Variants in PAPPA observed in about 807,000 individuals in gnomAD.
The protein encoded by PAPPA is pappalysin-1.
In PAPPA, 60 loss-of-function variants were observed where a neutral mutation model predicts 164.0. That is an observed-to-expected ratio of 0.37 (90% CI 0.30 to 0.45). The LOEUF is 0.45. Ranked by LOEUF, PAPPA falls within the 20% of genes least tolerant of loss-of-function variation. The probability of loss-of-function intolerance (pLI) is 1.00; values close to 1 mark genes in which losing one functional copy is unlikely to be tolerated. For synonymous variants in PAPPA, 875 were observed against 814.1 expected, an observed-to-expected ratio of 1.07 and a Z score of -1.27; for missense variants, 1,782 against 2,087.3, an observed-to-expected ratio of 0.85 and a Z score of 2.85.
intron 1 of PAPPA, among the ~76,000 whole-genome samples, chr9:116,175,569 A>G (rs1157729980): frequency 6.6e-6 from 1 of 152,222 alleles, no homozygotes; most frequent in Admixed American, 6.5e-5. Context: ...CTTGTTTGAA[A>G]CCAAAACTCC....
chr9:116,212,646 G>A (rs1270560683), intron 4 of PAPPA, among the ~76,000 whole-genome samples: 1 of 152,118 alleles, frequency 6.6e-6, no homozygotes, highest in Admixed American at 6.6e-5. Flanking sequence ...TCAAGCCAAA[G>A]ATTGCATCTA....
intron 10 of PAPPA, among the ~76,000 whole-genome samples, chr9:116,321,643 G>A (rs1280389431): frequency 1.3e-5 from 2 of 152,068 alleles, no homozygotes; most frequent in African/African-American, 4.8e-5. Context: ...TGCACTACAT[G>A]GTTATTATTA....
intron 9 of PAPPA, among the ~76,000 whole-genome samples, chr9:116,274,184 C>G (rs1421707221): frequency 6.6e-6 from 1 of 151,886 alleles, no homozygotes; most frequent in Non-Finnish European, 1.5e-5. Flanking sequence ...GAATGGAATA[C>G]AAAACCATCA....
At chr9:116,353,896 T>A (rs1846318022) in intron 17 of PAPPA, 103 bp downstream of exon 17, 3 of 780,108 alleles carry the variant, frequency 3.8e-6, no homozygotes. Flanking sequence ...TTTTGTAATC[T>A]CTGATCCTCA....
Position 116,154,832 on chromosome 9 carries a change from G to T in PAPPA, c.415+245G>T, listed in dbSNP as rs1237292149. Among the ~76,000 whole-genome samples, 1 of 152,218 alleles carries T rather than the reference G, an allele frequency of 6.6e-6. No homozygotes were observed. Among genetic ancestry groups the T allele is most frequent in the African/African-American group, 2.4e-5 (1 of 41,466 alleles). On this transcript the variant is annotated intron_variant, in intron 1 of 21. Transcript: ENST00000328252. The surrounding 1 kb of genome is among the most constrained non-coding windows in gnomAD (Gnocchi z 5.2). ...AGGAACCTGGGGAGCCCTCCTGGCG[G>T]CCCCGCGGACCCTCGGCCAGTGAGG...
rs1299424707 is a variant in PAPPA at position 116,323,044 on chromosome 9, G to A, written c.3148-8200G>A. ...ATCGAAATTCAATGGAAACCTCATG[G>A]CATGTCCCCTGTGTGGGAAAATACC... On this transcript the variant is annotated intron_variant, in intron 10 of 21. Coordinates refer to ENST00000328252, the MANE Select transcript of PAPPA (RefSeq NM_002581.5). Among the ~76,000 whole-genome samples, 3 of 152,158 alleles carry A rather than the reference G, an allele frequency of 2.0e-5. No individual in the cohort carries two copies. The East Asian group carries it at 5.8e-4, about 29-fold the overall frequency.
At chr9:116,181,593 A>G (rs1238620678) in intron 1 of PAPPA, among the ~76,000 whole-genome samples, 1 of 152,230 alleles carries the variant, frequency 6.6e-6, no homozygotes, top group East Asian at 1.9e-4. Context: ...ATTTGGTGGA[A>G]CACAATTTCA....
intron 7 of PAPPA, among the ~76,000 whole-genome samples, chr9:116,254,764 A>G (rs1844906991): frequency 1.4e-5 from 2 of 146,970 alleles, no homozygotes; most frequent in Admixed American, 6.8e-5. Flanking sequence ...CCTGGGTGAC[A>G]GAGCAAGACT....
intron 19 of PAPPA, among the ~76,000 whole-genome samples, chr9:116,374,178 GAT>G (rs1846617589): frequency 8.6e-6 from 1 of 115,650 alleles, no homozygotes; most frequent in South Asian, 3.4e-4. Flanking sequence ...TGTTGATGAT[GAT>G]GATGGTGGTG....
chr9:116,179,302 AG>A (rs1843873335), intron 1 of PAPPA, among the ~76,000 whole-genome samples: 1 of 152,162 alleles, frequency 6.6e-6, no homozygotes, highest in African/African-American at 2.4e-5. Flanking sequence ...GAACAGACAC[AG>A]GTGCCATCAA....
At chr9:116,243,709 G>A (rs1225721136) in intron 7 of PAPPA, among the ~76,000 whole-genome samples, 2 of 151,990 alleles carry the variant, frequency 1.3e-5, no homozygotes, top group African/African-American at 4.8e-5. Flanking sequence ...CCAAAGAGAG[G>A]AGAAAGCAAA....
intron 18 of PAPPA, among the ~76,000 whole-genome samples, chr9:116,365,078 T>C (rs756859832): frequency 1.6e-4 from 25 of 152,316 alleles, no homozygotes; most frequent in Middle Eastern, 3.4e-3. Context: ...ATCCTCGCTT[T>C]CCTCCAAATG....
intron 19 of PAPPA, among the ~76,000 whole-genome samples, chr9:116,368,304 G>A (rs1178920198): frequency 6.6e-6 from 1 of 152,208 alleles, no homozygotes; most frequent in Admixed American, 6.5e-5. Context: ...TCATGTGTCC[G>A]GTGCTTAGCA....
In PAPPA at chr9:116,386,569, G is replaced by C. The variant is rs1054566902; in HGVS notation, c.4776+4076G>C. ...TATGGGACTTGCCCAAGTTCACTTG[G>C]CAAATGAGTGGGGAAGCCCAAGTTT... On this transcript the variant is annotated intron_variant, in intron 21 of 21. Transcript: ENST00000328252. 9.2e-5 allele frequency among the ~76,000 whole-genome samples: 14 copies of C among 152,270 alleles called. No individual in the cohort carries two copies. In the South Asian group the frequency reaches 2.7e-3, roughly 29 times the overall value.
In PAPPA at chr9:116,294,638, T is replaced by C. The variant is rs377521684; in HGVS notation, c.2954-8119T>C. Among the ~76,000 whole-genome samples the C allele has an allele frequency of 3.9e-5, 6 of 152,294 alleles. No individual in the cohort carries two copies. The South Asian group carries it at 1.2e-3, about 32-fold the overall frequency. On this transcript the variant is annotated intron_variant, in intron 9 of 21. Transcript: ENST00000328252. Reference sequence around the variant, plus strand: ...AGCAGGTAAGCACTCCTGCTCCCCCTGTTCCAAGAAACTAACGTTTAAGTA... The same window carrying C: ...AGCAGGTAAGCACTCCTGCTCCCCCCGTTCCAAGAAACTAACGTTTAAGTA...
intron 9 of PAPPA, among the ~76,000 whole-genome samples, chr9:116,302,173 T>TA (rs1845586817): frequency 6.6e-6 from 1 of 152,240 alleles, no homozygotes; most frequent in South Asian, 2.1e-4. Flanking sequence ...ATGAAGTTTT[T>TA]ATGAGGAATA....
At chr9:116,193,038 G>C (rs1453366258) in intron 2 of PAPPA, among the ~76,000 whole-genome samples, 1 of 152,086 alleles carries the variant, frequency 6.6e-6, no homozygotes, top group Non-Finnish European at 1.5e-5. Context: ...TGGAAAAAAA[G>C]ACACTTTCCC....
intron 21 of PAPPA, among the ~76,000 whole-genome samples, chr9:116,391,385 C>A (rs1349258377): frequency 6.6e-6 from 1 of 152,194 alleles, no homozygotes; most frequent in Non-Finnish European, 1.5e-5. Flanking sequence ...TGTGGCCCCC[C>A]ACAGCCAGCA....
chr9:116,377,184 A>G (rs1175536087), intron 19 of PAPPA, among the ~76,000 whole-genome samples: 1 of 151,576 alleles, frequency 6.6e-6, no homozygotes, highest in Admixed American at 6.6e-5. Flanking sequence ...ACACATACAC[A>G]CACACACATG....
Sources: gnomAD v4.1 joint callset for allele counts (sites outside exome capture counted in the v4.1 genomes callset) on GRCh38, gnomAD v4.1.1 for gene constraint, Gnocchi (gnomAD v3.1) non-coding constraint, MANE v1.5 for transcripts, NCBI Gene and HGNC (gene_info 2026-07-23, HGNC 2026-07-21) for gene names.